The following DNAJC15 variants were observed in gnomAD, a reference collection of about 807,000 sequenced individuals.
The protein encoded by DNAJC15 is DnaJ heat shock protein family (Hsp40) member C15, also known as dnaJ homolog subfamily C member 15.
A neutral mutation model predicts 22.4 loss-of-function variants in DNAJC15; 27 were observed. The ratio of observed to expected loss-of-function variants is 1.20; its 90% CI spans 0.89 to 1.66. DNAJC15 has a LOEUF of 1.66. Among genes scored for constraint, DNAJC15 ranks in the 40% most tolerant of loss-of-function variants. The pLI is 0.00. For synonymous variants in DNAJC15, 79 were observed against 63.2 expected (o/e 1.25, Z -1.19); for missense variants, 208 against 187.1 (o/e 1.11, Z -0.65).
At chr13:43,050,181 A>C (rs1374180860) in intron 1 of DNAJC15, among the ~76,000 whole-genome samples, 1 of 152,108 alleles carries the variant, frequency 6.6e-6, no homozygotes, top group African/African-American at 2.4e-5. Context: ...CAGCCTCCCA[A>C]AGTGCTGGGA....
Position 43,109,074 on chromosome 13 carries a change from AAAGT to A in DNAJC15, c.*1829_*1832del, listed in dbSNP as rs1290754232. The A allele has an allele frequency of 2.0e-5, 3 of 152,336 alleles. No homozygotes were observed. Among genetic ancestry groups the A allele is most frequent in the African/African-American group, 7.2e-5 (3 of 41,570 alleles). The allele number at this position is 152,336 out of a possible 1,614,324, so 9.4% of individuals were successfully genotyped here. On this transcript the variant is annotated 3_prime_UTR_variant, in exon 6 of 6. Coordinates refer to ENST00000379221, the MANE Select transcript of DNAJC15 (RefSeq NM_013238.3). ...CCCTCTTTTTCTGGTACATGCAGCA[AAAGT>A]AATATGAATTATCAGCTTTCTGAGA...
At chr13:43,045,075 C>G (rs1467132807) in intron 1 of DNAJC15, among the ~76,000 whole-genome samples, 1 of 152,124 alleles carries the variant, frequency 6.6e-6, no homozygotes, top group Admixed American at 6.5e-5. Context: ...GATCTGCTCC[C>G]CTTGTGACCT....
At chr13:43,055,210 C>T (rs1370732956) in intron 1 of DNAJC15, among the ~76,000 whole-genome samples, 1 of 151,576 alleles carries the variant, frequency 6.6e-6, no homozygotes, top group Non-Finnish European at 1.5e-5. Context: ...CTAAGTCTGC[C>T]CATGTGATCC....
intron 3 of DNAJC15, among the ~76,000 whole-genome samples, chr13:43,070,222 A>G (rs1387482969): frequency 6.6e-6 from 1 of 152,216 alleles, no homozygotes; most frequent in African/African-American, 2.4e-5. Flanking sequence ...TTAGATTCAA[A>G]AAAACAGCAA....
intron 1 of DNAJC15, among the ~76,000 whole-genome samples, chr13:43,060,732 C>T (rs1399329668): frequency 6.6e-6 from 1 of 152,092 alleles, no homozygotes. Flanking sequence ...ATACCAAGAG[C>T]CTGAGAAACA....
rs1376946491 is a variant in DNAJC15 at position 43,108,320 on chromosome 13, A to G, written c.*1072A>G. On this transcript the variant is annotated 3_prime_UTR_variant, in exon 6 of 6. Transcript: ENST00000379221. ...TAGAGTGCAGGGTTTCTGGAAAGCA[A>G]GGTTTGGACAGAGTGGTCATCAAAG... 1.3e-5 allele frequency: 2 copies of G among 152,148 alleles called. No homozygotes were observed. The highest frequency in any genetic ancestry group is 4.8e-5 in the African/African-American group (2 of 41,430). 9.4% of individuals were successfully genotyped at this position (152,148 alleles called of 1,614,324 possible).
chr13:43,041,221 G>A lies in DNAJC15; in HGVS notation c.108+17487G>A, dbSNP rs188717482. On this transcript the variant is annotated intron_variant, in intron 1 of 5. Transcript: ENST00000379221. Reference sequence around the variant, plus strand: ...GGTCTCTGCAGGGTTTTGTGTCCCTGGGTACTTGAGATTAGGGAGTGGTGA... The same window carrying A: ...GGTCTCTGCAGGGTTTTGTGTCCCTAGGTACTTGAGATTAGGGAGTGGTGA... Among the ~76,000 whole-genome samples, 30 of 152,262 alleles carry A rather than the reference G, an allele frequency of 2.0e-4. 1 individual carries two copies. The highest frequency in any genetic ancestry group is 7.2e-4 in the African/African-American group (30 of 41,534).
At chr13:43,073,635 T>G (rs2040619003) in intron 3 of DNAJC15, among the ~76,000 whole-genome samples, 2 of 152,208 alleles carry the variant, frequency 1.3e-5, no homozygotes, top group Non-Finnish European at 2.9e-5. Flanking sequence ...GGTTTCTTTT[T>G]TTCTCTGATG....
At position 43,113,579 on chromosome 13, in the gene DNAJC15, T is replaced by C. The variant is rs888955485; in HGVS notation, c.*6331T>C. The C allele has an allele frequency of 6.6e-6, 1 of 152,266 alleles. No homozygotes were observed. The highest frequency in any genetic ancestry group is 1.5e-5 in the Non-Finnish European group (1 of 68,048). The allele number at this position is 152,266 out of a possible 1,614,324, so 9.4% of individuals were successfully genotyped here. On this transcript the variant is annotated 3_prime_UTR_variant, in exon 6 of 6. Coordinates refer to ENST00000379221, the MANE Select transcript of DNAJC15 (RefSeq NM_013238.3). Reference sequence around the variant, plus strand: ...AAAGTTTCTAACTCCTTATGACTAATATTCATAACAGACTTGTGAGTTCCT... The same window carrying C: ...AAAGTTTCTAACTCCTTATGACTAACATTCATAACAGACTTGTGAGTTCCT...
chr13:43,110,859 T>C lies in DNAJC15; in HGVS notation c.*3611T>C, dbSNP rs188448341. Reference sequence around the variant, plus strand: ...CAGCCACACCCTCCCCCCAACTCCTTATCTGTAAAAAGCTTATTTGAGTGG... The same window carrying C: ...CAGCCACACCCTCCCCCCAACTCCTCATCTGTAAAAAGCTTATTTGAGTGG... On this transcript the variant is annotated 3_prime_UTR_variant, in exon 6 of 6. Transcript: ENST00000379221. The C allele has an allele frequency of 2.4e-4, 37 of 152,342 alleles. 2 individuals are homozygous for C. In the East Asian group the frequency reaches 4.2e-3, roughly 17 times the overall value. 9.4% of individuals were successfully genotyped at this position (152,342 alleles called of 1,614,324 possible).
intron 1 of DNAJC15, among the ~76,000 whole-genome samples, chr13:43,050,195 C>T (rs1232150280): frequency 6.6e-6 from 1 of 152,172 alleles, no homozygotes; most frequent in Non-Finnish European, 1.5e-5. Flanking sequence ...GCTGGGATTA[C>T]AGGCATGAGC....
intron 4 of DNAJC15, among the ~76,000 whole-genome samples, chr13:43,082,955 A>G (rs1189892483): frequency 1.3e-5 from 2 of 151,724 alleles, no homozygotes; most frequent in African/African-American, 4.8e-5. Context: ...TTATCTCATT[A>G]TTTAGAGGGC....
chr13:43,079,709 T>C (rs2040652879), intron 4 of DNAJC15, among the ~76,000 whole-genome samples: 1 of 152,186 alleles, frequency 6.6e-6, no homozygotes, highest in Non-Finnish European at 1.5e-5. Flanking sequence ...AATCTGAGTA[T>C]AAAACATTAT....
At chr13:43,091,410 C>A (rs1300102912) in intron 5 of DNAJC15, among the ~76,000 whole-genome samples, 1 of 152,220 alleles carries the variant, frequency 6.6e-6, no homozygotes, top group Non-Finnish European at 1.5e-5. Flanking sequence ...TTAAAAGATA[C>A]ACATCTCTTT....
chr13:43,084,075 T>C (rs1271397490), intron 4 of DNAJC15, among the ~76,000 whole-genome samples: 2 of 152,180 alleles, frequency 1.3e-5, no homozygotes, highest in Non-Finnish European at 2.9e-5. Flanking sequence ...GATTGACAGC[T>C]GATAGCATAG....
chr13:43,031,269 A>G (rs1293197720), intron 1 of DNAJC15, among the ~76,000 whole-genome samples: 1 of 152,254 alleles, frequency 6.6e-6, no homozygotes, highest in Non-Finnish European at 1.5e-5. Context: ...TATATCAAGG[A>G]AGAAAAATAG....
intron 4 of DNAJC15, among the ~76,000 whole-genome samples, chr13:43,084,361 G>T (rs770121640): frequency 3.9e-5 from 6 of 152,026 alleles, no homozygotes; most frequent in Admixed American, 1.3e-4. Flanking sequence ...ATAAACCTGG[G>T]GGTAGGTTTT....
intron 1 of DNAJC15, among the ~76,000 whole-genome samples, chr13:43,060,507 G>A (rs1363197970): frequency 6.6e-6 from 1 of 152,126 alleles, no homozygotes; most frequent in Admixed American, 6.5e-5. Context: ...CTTGGTTGGC[G>A]AGTTTTTGGG....
intron 3 of DNAJC15, among the ~76,000 whole-genome samples, chr13:43,076,480 C>T (rs1001953005): frequency 1.3e-5 from 2 of 152,034 alleles, no homozygotes; most frequent in African/African-American, 4.8e-5. Flanking sequence ...ATAGCCTGTG[C>T]TCATTGTTGA....
Sources: gnomAD v4.1 joint callset for allele counts (sites outside exome capture counted in the v4.1 genomes callset) on GRCh38, gnomAD v4.1.1 for gene constraint, MANE v1.5 for transcripts, NCBI Gene and HGNC (gene_info 2026-07-23, HGNC 2026-07-21) for gene names.